Variants in PCDH9 observed in about 807,000 individuals in gnomAD.
PCDH9 encodes protocadherin 9, also known as protocadherin-9.
Under a neutral mutation model 70.6 loss-of-function variants are expected in PCDH9, and 24 were observed. The observed-to-expected ratio is 0.34, with a 90% CI of 0.25 to 0.48. The LOEUF is 0.48. Among genes scored for constraint, PCDH9 ranks in the 20% least tolerant of loss-of-function variants. The probability of loss-of-function intolerance (pLI) is 0.99; values close to 1 mark genes in which losing one functional copy is unlikely to be tolerated. For missense variants in PCDH9, 1,281 were observed against 1,503.6 expected (o/e 0.85, Z 2.45); for synonymous variants, 562 against 558.5 (o/e 1.01, Z -0.09).
intron 4 of PCDH9, among the ~76,000 whole-genome samples, chr13:66,462,533 C>G (rs1204419405): frequency 6.6e-6 from 1 of 151,680 alleles, no homozygotes; most frequent in African/African-American, 2.4e-5. Flanking sequence ...ATTATCTGCC[C>G]GTTAGAATCA....
intron 2 of PCDH9, among the ~76,000 whole-genome samples, chr13:67,140,234 C>T (rs1325959953): frequency 6.6e-6 from 1 of 152,082 alleles, no homozygotes; most frequent in African/African-American, 2.4e-5. Flanking sequence ...CTCACATTGC[C>T]AGAACTGACC....
chr13:66,307,641 AG>A (rs1955491464), intron 4 of PCDH9, among the ~76,000 whole-genome samples: 2 of 152,104 alleles, frequency 1.3e-5, no homozygotes, highest in African/African-American at 4.8e-5. Flanking sequence ...GTCATTAATA[AG>A]TTTTTTATTG....
At chr13:66,565,516 A>G (rs2076640513) in intron 4 of PCDH9, among the ~76,000 whole-genome samples, 1 of 152,194 alleles carries the variant, frequency 6.6e-6, no homozygotes. Context: ...AGCAGCTGTT[A>G]ATGCTAGTAC....
intron 3 of PCDH9, among the ~76,000 whole-genome samples, chr13:66,690,616 C>A (rs572247534): frequency 1.4e-3 from 209 of 152,174 alleles, no homozygotes; most frequent in African/African-American, 4.8e-3. Flanking sequence ...TCAGAAAAGG[C>A]AATTTTAAAA....
intron 2 of PCDH9, among the ~76,000 whole-genome samples, chr13:66,992,251 T>C (rs994439506): frequency 1.3e-5 from 2 of 152,196 alleles, no homozygotes; most frequent in African/African-American, 4.8e-5. Flanking sequence ...TTCAAGTAGT[T>C]TCTGAGTACT....
chr13:66,740,547 C>T (rs1170219233), intron 3 of PCDH9, among the ~76,000 whole-genome samples: 1 of 146,044 alleles, frequency 6.8e-6, no homozygotes, highest in African/African-American at 2.5e-5. Context: ...TTAATGAATC[C>T]AGGAGCTGGT....
chr13:66,817,511 A>C (rs2139373430), intron 3 of PCDH9, among the ~76,000 whole-genome samples: 1 of 152,268 alleles, frequency 6.6e-6, no homozygotes, highest in African/African-American at 2.4e-5. Flanking sequence ...TCTATTTTTG[A>C]TGATAATTTT....
chr13:66,524,408 T>C (rs1241144566), intron 4 of PCDH9, among the ~76,000 whole-genome samples: 1 of 152,040 alleles, frequency 6.6e-6, no homozygotes, highest in Non-Finnish European at 1.5e-5. Flanking sequence ...ACTAAAATTT[T>C]ATTCTTGTTA....
chr13:66,860,732 A>G (rs891177377), intron 3 of PCDH9, among the ~76,000 whole-genome samples: 2 of 152,344 alleles, frequency 1.3e-5, no homozygotes, highest in East Asian at 3.9e-4. Context: ...CCTGCTAAGT[A>G]CTTTACCTGT....
At chr13:66,381,677 A>G (rs1956850669) in intron 4 of PCDH9, among the ~76,000 whole-genome samples, 1 of 152,220 alleles carries the variant, frequency 6.6e-6, no homozygotes, top group Non-Finnish European at 1.5e-5. Flanking sequence ...AGGCAATGAA[A>G]AGCAGTCAAA....
chr13:66,429,463 G>T (rs1411887201), intron 4 of PCDH9, among the ~76,000 whole-genome samples: 2 of 146,354 alleles, frequency 1.4e-5, no homozygotes, highest in African/African-American at 5.0e-5. Flanking sequence ...ACCCACAGTG[G>T]GTAAAAAGAC....
chr13:66,683,044 G>C (rs935281670), intron 3 of PCDH9, among the ~76,000 whole-genome samples: 5 of 152,028 alleles, frequency 3.3e-5, no homozygotes, highest in African/African-American at 1.2e-4. Flanking sequence ...GTGCCTCTAG[G>C]GACCACTGAC....
At chr13:66,730,064 C>T (rs766494272) in intron 3 of PCDH9, among the ~76,000 whole-genome samples, 2 of 152,156 alleles carry the variant, frequency 1.3e-5, no homozygotes, top group Non-Finnish European at 2.9e-5. Flanking sequence ...TAACCATCTA[C>T]AGTGGGCCTA....
chr13:66,571,615 ATAGT>A (rs2138744680), intron 4 of PCDH9, among the ~76,000 whole-genome samples: 1 of 152,072 alleles, frequency 6.6e-6, no homozygotes, highest in Non-Finnish European at 1.5e-5. Context: ...TTATCGCTTG[ATAGT>A]TCAACGGCTA....
chr13:66,544,147 AG>A, intron 4 of PCDH9, among the ~76,000 whole-genome samples: 1 of 152,254 alleles, frequency 6.6e-6, no homozygotes, highest in South Asian at 2.1e-4. Flanking sequence ...AAGAGCAGCA[AG>A]CTCCCATGAC....
At chr13:66,648,249 G>A (rs1486608234) in intron 3 of PCDH9, among the ~76,000 whole-genome samples, 1 of 152,238 alleles carries the variant, frequency 6.6e-6, no homozygotes, top group Non-Finnish European at 1.5e-5. Flanking sequence ...GGCTGGGGGT[G>A]AGACCCAGTG....
chr13:67,131,067 A>G (rs2087101569), intron 2 of PCDH9, among the ~76,000 whole-genome samples: 2 of 152,194 alleles, frequency 1.3e-5, no homozygotes, highest in South Asian at 4.1e-4. Context: ...AAAATACAGA[A>G]ATGACAAATG....
At chr13:66,957,058 C>G (rs981154436) in intron 2 of PCDH9, among the ~76,000 whole-genome samples, 1 of 152,178 alleles carries the variant, frequency 6.6e-6, no homozygotes, top group African/African-American at 2.4e-5. Flanking sequence ...CACAATTTAA[C>G]ATAACAATGC....
intron 4 of PCDH9, among the ~76,000 whole-genome samples, chr13:66,382,277 G>A (rs1956862318): frequency 1.3e-5 from 2 of 152,152 alleles, no homozygotes; most frequent in African/African-American, 4.8e-5. Flanking sequence ...AAGTCAAATT[G>A]TTTGAAGTGA....
Sources: allele counts gnomAD v4.1 joint callset (sites outside exome capture counted in the v4.1 genomes callset), GRCh38; gene constraint gnomAD v4.1.1; transcripts MANE v1.5; gene names NCBI Gene and HGNC (gene_info 2026-07-23, HGNC 2026-07-21).